Variants in CHIC1 observed in about 807,000 individuals in gnomAD.
CHIC1 encodes the protein cysteine rich hydrophobic domain 1, also known as cysteine-rich hydrophobic domain-containing protein 1.
In CHIC1, 7 loss-of-function variants were observed where a neutral mutation model predicts 18.5. The observed-to-expected ratio is 0.38, with a 90% CI of 0.22 to 0.71. CHIC1 has a LOEUF of 0.71. Among genes scored for constraint, CHIC1 ranks in the 30% least tolerant of loss-of-function variants. The pLI is 0.49. For missense variants in CHIC1, 159 were observed against 176.9 expected, an observed-to-expected ratio of 0.90 and a Z score of 0.57; for synonymous variants, 77 against 73.5, an observed-to-expected ratio of 1.05 and a Z score of -0.25.
At chrX:73,675,040 C>T (rs926530848) in intron 3 of CHIC1, among the ~76,000 whole-genome samples, 5 of 111,855 alleles carry the variant, frequency 4.5e-5, no homozygotes, top group Admixed American at 1.9e-4. Flanking sequence ...TGTAGTTGAG[C>T]AGTTTTGAGT....
At chrX:73,638,766 G>A (rs1476054817) in intron 3 of CHIC1, among the ~76,000 whole-genome samples, 1 of 111,482 alleles carries the variant, frequency 9.0e-6, no homozygotes, top group African/African-American at 3.3e-5. Context: ...ACTTATAAGT[G>A]AGAACATACA....
intron 3 of CHIC1, among the ~76,000 whole-genome samples, chrX:73,639,478 G>C (rs1340942496): frequency 8.9e-6 from 1 of 111,787 alleles, no homozygotes; most frequent in Non-Finnish European, 1.9e-5. Flanking sequence ...TGTTTTCTCT[G>C]TTGATAGTTT....
intron 3 of CHIC1, among the ~76,000 whole-genome samples, chrX:73,622,580 CTTCTT>C (rs1389572612): frequency 9.1e-6 from 1 of 110,489 alleles, no homozygotes; most frequent in African/African-American, 3.3e-5. Context: ...ATTTTTCACT[CTTCTT>C]TATTGTTCTG....
chrX:73,598,884 C>A (rs2057626314), intron 3 of CHIC1, among the ~76,000 whole-genome samples: 1 of 108,696 alleles, frequency 9.2e-6, no homozygotes, highest in South Asian at 4.2e-4. Flanking sequence ...ATTTCTAGTT[C>A]TAGATCCCTG....
At chrX:73,571,684 C>A (rs995108382) in intron 1 of CHIC1, among the ~76,000 whole-genome samples, 2 of 110,932 alleles carry the variant, frequency 1.8e-5, no homozygotes, top group Non-Finnish European at 3.8e-5. Flanking sequence ...TACTGACACA[C>A]CTGAACAGAA....
intron 3 of CHIC1, among the ~76,000 whole-genome samples, chrX:73,594,137 C>G (rs932032703): frequency 1.0e-5 from 1 of 96,687 alleles, no homozygotes; most frequent in Non-Finnish European, 2.0e-5. Context: ...TGTACAGGTG[C>G]TTTCCTTTGT....
chrX:73,657,574 T>C (rs1402528070), intron 3 of CHIC1, among the ~76,000 whole-genome samples: 2 of 112,100 alleles, frequency 1.8e-5, no homozygotes, highest in Non-Finnish European at 3.8e-5. Context: ...ATAAAGATAG[T>C]TTAACTTCCT....
intron 3 of CHIC1, among the ~76,000 whole-genome samples, chrX:73,631,359 G>A (rs1349029026): frequency 1.8e-5 from 2 of 110,756 alleles, no homozygotes; most frequent in Non-Finnish European, 3.8e-5. Flanking sequence ...GGGCGTAGTG[G>A]CTCACACCTG....
chrX:73,586,235 A>T (rs985309793), intron 3 of CHIC1, among the ~76,000 whole-genome samples: 1 of 111,366 alleles, frequency 9.0e-6, no homozygotes, highest in African/African-American at 3.3e-5. Flanking sequence ...TCTCTGGTTC[A>T]TCTTAGAAAC....
At chrX:73,611,176 C>T (rs1211246875) in intron 3 of CHIC1, among the ~76,000 whole-genome samples, 1 of 107,747 alleles carries the variant, frequency 9.3e-6, no homozygotes, top group Non-Finnish European at 1.9e-5. Context: ...CCCTCTCCCA[C>T]ACCCCACAAC....
chrX:73,615,622 G>A (rs1411383541), intron 3 of CHIC1, among the ~76,000 whole-genome samples: 1 of 111,428 alleles, frequency 9.0e-6, no homozygotes, highest in Admixed American at 9.5e-5. Context: ...TTGTGGGGTT[G>A]GCGGTCTCTA....
intron 1 of CHIC1, among the ~76,000 whole-genome samples, chrX:73,575,901 C>T (rs1194910657): frequency 1.8e-5 from 2 of 110,429 alleles, no homozygotes; most frequent in Non-Finnish European, 3.8e-5. Context: ...TGTAATAATA[C>T]TTAGCTTAAA....
At chrX:73,631,854 A>T (rs1603345594) in intron 3 of CHIC1, among the ~76,000 whole-genome samples, 1 of 111,246 alleles carries the variant, frequency 9.0e-6, no homozygotes, top group African/African-American at 3.3e-5. Context: ...TCCAATTTTT[A>T]TCCTGTTATT....
chrX:73,668,005 C>T (rs1445565044), intron 3 of CHIC1, among the ~76,000 whole-genome samples: 1 of 111,857 alleles, frequency 8.9e-6, no homozygotes, highest in East Asian at 2.8e-4. Flanking sequence ...CCCAATCAGT[C>T]ATAGATTTGG....
chrX:73,581,706 T>C (rs1447003447), intron 2 of CHIC1, among the ~76,000 whole-genome samples: 1 of 110,833 alleles, frequency 9.0e-6, no homozygotes, highest in African/African-American at 3.3e-5. Flanking sequence ...TCAAAAAAAA[T>C]TTGAATTCTC....
intron 3 of CHIC1, among the ~76,000 whole-genome samples, chrX:73,677,210 TC>T (rs2058070100): frequency 8.9e-6 from 1 of 112,044 alleles, no homozygotes; most frequent in South Asian, 3.7e-4. Context: ...GTCTGCCTGT[TC>T]TCAGATCTTA....
At chrX:73,678,495 C>CG (rs2058082114) in intron 3 of CHIC1, among the ~76,000 whole-genome samples, 1 of 111,103 alleles carries the variant, frequency 9.0e-6, no homozygotes, top group Non-Finnish European at 1.9e-5. Context: ...CAGATAGTCC[C>CG]TGGGGTCCTG....
chrX:73,594,859 T>C (rs2057599410), intron 3 of CHIC1, among the ~76,000 whole-genome samples: 1 of 112,344 alleles, frequency 8.9e-6, no homozygotes, highest in African/African-American at 3.2e-5. Flanking sequence ...TGCCATATTT[T>C]TTCTTTTAGA....
In CHIC1 at chrX:73,673,983, C is replaced by T. The variant is rs948156904; in HGVS notation, c.508-5343C>T. Among the ~76,000 whole-genome samples, 3 of 111,847 alleles carry T rather than the reference C, an allele frequency of 2.7e-5. No individual in the cohort carries two copies. In the East Asian group the frequency reaches 8.4e-4, roughly 31 times the overall value. Reference sequence around the variant, plus strand: ...AGGGTTGTTGAATTTTGTCAAAGGCCTTTTCTGCATCTATTGCGATAATCA... The same window carrying T: ...AGGGTTGTTGAATTTTGTCAAAGGCTTTTTCTGCATCTATTGCGATAATCA... On this transcript the variant is annotated intron_variant, in intron 3 of 5. Transcript: ENST00000373502.
Sources: gnomAD v4.1 joint callset for allele counts (sites outside exome capture counted in the v4.1 genomes callset) on GRCh38, gnomAD v4.1.1 for gene constraint, MANE v1.5 for transcripts, NCBI Gene and HGNC (gene_info 2026-07-23, HGNC 2026-07-21) for gene names.